The following ERC1 variants were observed in gnomAD, a reference collection of about 807,000 sequenced individuals.
The protein encoded by ERC1 is ELKS/RAB6-interacting/CAST family member 1.
A neutral mutation model predicts 132.0 loss-of-function variants in ERC1; 56 were observed. That is an observed-to-expected ratio of 0.42 (90% CI 0.34 to 0.53). The LOEUF (loss-of-function observed/expected upper bound fraction) is 0.53, where lower values mean the gene tolerates loss of function less well. ERC1 is among the 20% of genes least tolerant of loss of function. ERC1 has a pLI of 0.03. For missense variants in ERC1, 1,202 were observed against 1,349.9 expected (o/e 0.89, Z 1.72); for synonymous variants, 478 against 476.1 (o/e 1.00, Z -0.05).
intron 16 of ERC1, among the ~76,000 whole-genome samples, chr12:1,393,607 CGTGTGTGTGTGTGT>C (rs34533745): frequency 0.023 from 3,260 of 140,222 alleles, 113 homozygotes; most frequent in African/African-American, 0.072. Context: ...AGAGAACACA[CGTGTGTGTGTGTGT>C]GTGTGTGTGT....
intron 15 of ERC1, among the ~76,000 whole-genome samples, chr12:1,302,313 A>G (rs1243981656): frequency 6.6e-6 from 1 of 152,200 alleles, no homozygotes; most frequent in East Asian, 1.9e-4. Flanking sequence ...TTATGATAAA[A>G]TATCTTAGCT....
chr12:1,394,383 G>C (rs751219908), intron 16 of ERC1, among the ~76,000 whole-genome samples: 16 of 152,194 alleles, frequency 1.1e-4, no homozygotes, highest in Non-Finnish European at 2.1e-4. Context: ...CTGGGTGACA[G>C]AGCAAGACTC....
intron 15 of ERC1, among the ~76,000 whole-genome samples, chr12:1,295,640 C>T (rs2079862165): frequency 6.6e-6 from 1 of 151,760 alleles, no homozygotes; most frequent in South Asian, 2.1e-4. Flanking sequence ...TAATATAAGG[C>T]CTACTCTAGA....
At chr12:1,426,384 T>C (rs1213737198) in intron 17 of ERC1, among the ~76,000 whole-genome samples, 2 of 152,138 alleles carry the variant, frequency 1.3e-5, no homozygotes, top group Non-Finnish European at 2.9e-5. Flanking sequence ...GCATTACAGG[T>C]ATGAGCCACT....
At position 1,490,366 on chromosome 12, in the gene ERC1, A is replaced by T; in HGVS notation, c.*136A>T. 1 of 815,382 alleles carries T rather than the reference A, an allele frequency of 1.2e-6. No homozygotes were observed. The allele number at this position is 815,382 out of a possible 1,614,324, so 50.5% of individuals were successfully genotyped here. A position where few individuals can be genotyped will look rare whatever the true frequency, so the allele number is the denominator to read the frequency against. ...CAACTTGCTCACTTGAAGAAGTGTG[A>T]TTCCAGCACCGTTTCTACATCTGCC... On this transcript the variant is annotated 3_prime_UTR_variant, in exon 19 of 19. Coordinates refer to ENST00000360905, the MANE Select transcript of ERC1 (RefSeq NM_178040.4).
chr12:1,068,552 T>C (rs1014386686), intron 2 of ERC1, among the ~76,000 whole-genome samples: 6 of 152,202 alleles, frequency 3.9e-5, no homozygotes, highest in African/African-American at 1.4e-4. Context: ...TTGTGAATAA[T>C]TTTTATCCCT....
intron 18 of ERC1, among the ~76,000 whole-genome samples, chr12:1,487,843 G>A (rs187273112): frequency 4.0e-5 from 6 of 151,178 alleles, no homozygotes; most frequent in Admixed American, 2.0e-4. Flanking sequence ...GAAAAGAAAG[G>A]AAAGAGAGAA....
At chr12:1,358,876 T>C (rs2085795309) in intron 15 of ERC1, among the ~76,000 whole-genome samples, 1 of 152,370 alleles carries the variant, frequency 6.6e-6, no homozygotes, top group Non-Finnish European at 1.5e-5. Flanking sequence ...GGATTGATTT[T>C]CATATGCTAA....
At chr12:1,137,090 T>C (rs1050990453) in intron 7 of ERC1, among the ~76,000 whole-genome samples, 1 of 150,196 alleles carries the variant, frequency 6.7e-6, no homozygotes, top group Non-Finnish European at 1.5e-5. Flanking sequence ...TTTCTTTCTT[T>C]TTTTCTTTTC....
Position 1,084,670 on chromosome 12 carries a change from A to ATT in ERC1, c.1086+1099_1086+1100dup, listed in dbSNP as rs11378427. ...TTAACTTATGTATATGCTTCCAGTC[A>ATT]TTTTTTTTTTATTTTAAATTTTTAT... On this transcript the variant is annotated intron_variant, in intron 3 of 18. Transcript: ENST00000360905. Among the ~76,000 whole-genome samples the ATT allele has an allele frequency of 3.5e-3, 524 of 149,452 alleles. 3 individuals are homozygous for ATT. The highest frequency in any genetic ancestry group is 8.3e-3 in the African/African-American group (339 of 40,752).
chr12:1,001,853 C>CTTTT (rs869097939), intron 1 of ERC1, among the ~76,000 whole-genome samples: 34 of 109,120 alleles, frequency 3.1e-4, no homozygotes, highest in Middle Eastern at 5.1e-3. Context: ...CTTGTAAAGT[C>CTTTT]TTTTTTTTTT....
At chr12:1,204,469 C>T (rs780399775) in intron 12 of ERC1, 3 of 1,566,806 alleles carry the variant, frequency 1.9e-6, no homozygotes, top group Admixed American at 1.8e-5. Context: ...TTCTTTTTCA[C>T]ATTTTCTTCC....
intron 12 of ERC1, among the ~76,000 whole-genome samples, chr12:1,209,854 CTG>C (rs1425437135): frequency 6.6e-6 from 1 of 152,182 alleles, no homozygotes; most frequent in African/African-American, 2.4e-5. Context: ...AACAATATCT[CTG>C]TTGATTTATT....
chr12:1,259,520 C>CTTTTTTTTTTTTT (rs201786277), intron 13 of ERC1, among the ~76,000 whole-genome samples: 25 of 113,904 alleles, frequency 2.2e-4, no homozygotes, highest in South Asian at 5.9e-4. Flanking sequence ...TTCTTTCTTT[C>CTTTTTTTTTTTTT]TTTTTTTTTT....
chr12:1,484,396 C>T (rs2094164952), intron 18 of ERC1, among the ~76,000 whole-genome samples: 1 of 152,088 alleles, frequency 6.6e-6, no homozygotes, highest in South Asian at 2.1e-4. Context: ...TTCTGTTGAA[C>T]ATACTCTAAA....
Position 1,443,040 on chromosome 12 carries a change from T to G in ERC1, c.3025-1522T>G, listed in dbSNP as rs563473735. Among the ~76,000 whole-genome samples, 5 of 137,924 alleles carry G rather than the reference T, an allele frequency of 3.6e-5. No homozygotes were observed. In the East Asian group the frequency reaches 9.8e-4, roughly 27 times the overall value. 90.5% of individuals were successfully genotyped at this position (137,924 alleles called of 152,430 possible). A position where few individuals can be genotyped will look rare whatever the true frequency, so the allele number is the denominator to read the frequency against. On this transcript the variant is annotated intron_variant, in intron 17 of 18. Transcript: ENST00000360905. Reference sequence around the variant, plus strand: ...CTCCTGCCTCTGCCTCCCGAGTAGCTGGGACTACAGGCACCCGCCCAGTTA... The same window carrying G: ...CTCCTGCCTCTGCCTCCCGAGTAGCGGGGACTACAGGCACCCGCCCAGTTA...
At chr12:1,196,852 C>CTG (rs1394381112) in intron 12 of ERC1, among the ~76,000 whole-genome samples, 23 of 126,088 alleles carry the variant, frequency 1.8e-4, no homozygotes, top group Non-Finnish European at 2.0e-4. Flanking sequence ...CTGTCTGTCT[C>CTG]TCTCTCACTC....
chr12:1,446,338 A>G (rs775522854), intron 18 of ERC1, among the ~76,000 whole-genome samples: 2 of 152,348 alleles, frequency 1.3e-5, no homozygotes, highest in Non-Finnish European at 1.5e-5. Flanking sequence ...ACATAGAAAC[A>G]GAAAAAGAGA....
At chr12:1,144,635 C>CGTATATATATATATATATATATATGT (rs1566075478) in intron 8 of ERC1, among the ~76,000 whole-genome samples, 1 of 136,442 alleles carries the variant, frequency 7.3e-6, no homozygotes, top group African/African-American at 3.2e-5. Context: ...TATATATATA[C>CGTATATATATATATATATATATATGT]GTGTATATAT....
Sources: gnomAD v4.1 joint callset for allele counts (sites outside exome capture counted in the v4.1 genomes callset) on GRCh38, gnomAD v4.1.1 for gene constraint, MANE v1.5 for transcripts, NCBI Gene and HGNC (gene_info 2026-07-23, HGNC 2026-07-21) for gene names.